LOXHD1: variants seen among roughly 807,000 people sequenced by gnomAD.
LOXHD1 encodes lipoxygenase homology domain-containing protein 1.
Under a neutral mutation model 248.2 loss-of-function variants are expected in LOXHD1, and 205 were observed. The ratio of observed to expected loss-of-function variants is 0.83; its 90% confidence interval spans 0.74 to 0.93. LOXHD1 has a LOEUF of 0.93. LOXHD1 is among the 40% of genes least tolerant of loss of function. The pLI is 0.00. For synonymous variants in LOXHD1, 1,113 were observed against 1,162.8 expected (o/e 0.96, Z 0.87); for missense variants, 2,930 against 2,971.6 (o/e 0.99, Z 0.33).
rs1317610566 is a variant in LOXHD1, at chr18:46,601,388, A to C, written c.963T>G (p.Tyr321Ter). The C allele has an allele frequency of 6.4e-7, 1 of 1,551,694 alleles. No homozygotes were observed. The highest frequency in any genetic ancestry group is 2.4e-5 in the East Asian group (1 of 40,926). Residue 321 changes from tyrosine to a stop codon, truncating the protein, a stop_gained, in exon 8 of 41, where the codon TAT becomes TAG. Transcript: ENST00000642948. LOFTEE classifies it high-confidence loss of function. The stretch of plus-strand genomic sequence containing the variant: ...CACTGTTCTTATTCCCTCTGGCCCC[A>C]TACATGACCAAGTAGATTTTGGATT... ...GTKSKIYLVM[Y>*]GARGNKNSGK...
intron 32 of LOXHD1, 36 bp downstream of exon 32, chr18:46,522,065 G>A: frequency 6.7e-7 from 1 of 1,499,954 alleles, no homozygotes; most frequent in Non-Finnish European, 9.0e-7. Flanking sequence ...CTATCCCTAG[G>A]GTGGTCACTA....
chr18:46,477,432 G>A lies in LOXHD1; in HGVS notation c.*40C>T. The stretch of plus-strand genomic sequence containing the variant: ...GCCAAGGTGGAGGGCAGAAATGTGA[G>A]ATTGGGGCATCTCAGTGAGAGGGTG... On this transcript the variant is annotated 3_prime_UTR_variant, in exon 41 of 41. Transcript: ENST00000642948. The A allele has an allele frequency of 6.5e-7, 1 of 1,535,738 alleles. No homozygotes were observed. The highest frequency in any genetic ancestry group is 8.8e-7 in the Non-Finnish European group (1 of 1,137,534).
intron 21 of LOXHD1, among the ~76,000 whole-genome samples, chr18:46,549,498 C>G (rs11661413): frequency 0.089 from 13,617 of 152,164 alleles, 813 homozygotes; most frequent in Non-Finnish European, 0.13. Context: ...ATCTGGAACT[C>G]AGGAATTCTG....
Position 46,551,106 on chromosome 18 carries a change from C to CTTT in LOXHD1, c.3351-4051_3351-4049dup, listed in dbSNP as rs1239620935. On this transcript the variant is annotated intron_variant, in intron 21 of 40. Transcript: ENST00000642948. Reference sequence around the variant, plus strand: ...TCCTAAATTTCTTTTCTTTTCTTTTCTTTTTTTTTTTTTTGAGACAGAGTC... The same window carrying CTTT: ...TCCTAAATTTCTTTTCTTTTCTTTTCTTTTTTTTTTTTTTTTTGAGACAGAGTC... Among the ~76,000 whole-genome samples, 312 of 141,018 alleles carry CTTT rather than the reference C, an allele frequency of 2.2e-3. 3 individuals carry two copies. The highest frequency in any genetic ancestry group is 7.8e-3 in the African/African-American group (290 of 37,230). The allele number at this position is 141,018 out of a possible 152,430, so 92.5% of individuals were successfully genotyped here. A position where few individuals can be genotyped will look rare whatever the true frequency, so the allele number is the denominator to read the frequency against.
At chr18:46,551,008 A>G (rs2037075930) in intron 21 of LOXHD1, among the ~76,000 whole-genome samples, 1 of 152,126 alleles carries the variant, frequency 6.6e-6, no homozygotes, top group African/African-American at 2.4e-5. Flanking sequence ...CATAATATCA[A>G]TAGAATTGAA....
At chr18:46,496,125 T>A (rs751414932) in intron 37 of LOXHD1, among the ~76,000 whole-genome samples, 10 of 152,074 alleles carry the variant, frequency 6.6e-5, no homozygotes, top group East Asian at 1.9e-4. Context: ...AAAGAAAAAA[T>A]TTTAAAAGGT....
chr18:46,575,401 T>C (rs2037834706), intron 14 of LOXHD1, among the ~76,000 whole-genome samples: 1 of 152,168 alleles, frequency 6.6e-6, no homozygotes, highest in Admixed American at 6.5e-5. Context: ...TTCATACATT[T>C]AAGTCCTAAC....
chr18:46,655,754 C>A (rs1053963970), intron 1 of LOXHD1, among the ~76,000 whole-genome samples: 3 of 152,200 alleles, frequency 2.0e-5, no homozygotes, highest in South Asian at 2.1e-4. Context: ...ATGATGAGGA[C>A]TAAAGACAAG....
chr18:46,531,534 G>A (rs779766923), intron 28 of LOXHD1, among the ~76,000 whole-genome samples: 10 of 152,132 alleles, frequency 6.6e-5, no homozygotes, highest in Admixed American at 2.6e-4. Flanking sequence ...AGAGCAGGAT[G>A]CTGTGTCCCC....
chr18:46,524,536 G>A lies in LOXHD1; in HGVS notation c.4806C>T (p.Ser1602=), dbSNP rs1329923779. ...SPADFWEIAL[S]SKMADVDIST... is the part of the protein sequence containing the mutation. Reference sequence around the variant, plus strand: ...TGATGTCGACATCGGCCATCTTGGAGCTCAGGGCGATCTCCCAGAAGTCAG... The same window carrying A: ...TGATGTCGACATCGGCCATCTTGGAACTCAGGGCGATCTCCCAGAAGTCAG... Residue 1602 remains serine, a synonymous_variant, in exon 31 of 41, where the codon AGC becomes AGT. Coordinates refer to ENST00000642948, the MANE Select transcript of LOXHD1 (RefSeq NM_001384474.1). 5.8e-6 allele frequency: 9 copies of A among 1,551,628 alleles called. No individual in the cohort carries two copies. Among genetic ancestry groups the A allele is most frequent in the East Asian group, 2.4e-5 (1 of 40,928 alleles).
intron 7 of LOXHD1, 101 bp downstream of exon 7, chr18:46,604,005 G>GC (rs1483200839): frequency 6.9e-7 from 1 of 1,458,754 alleles, no homozygotes; most frequent in African/African-American, 1.4e-5. Context: ...GACCCAGCTG[G>GC]CTCCTGTTTG....
intron 14 of LOXHD1, among the ~76,000 whole-genome samples, chr18:46,573,610 C>T (rs2037798408): frequency 6.6e-6 from 1 of 152,202 alleles, no homozygotes; most frequent in African/African-American, 2.4e-5. Context: ...ACACTAATTC[C>T]TCCATAGCCT....
chr18:46,504,551 T>C (rs1343788003), intron 37 of LOXHD1, among the ~76,000 whole-genome samples: 1 of 152,236 alleles, frequency 6.6e-6, no homozygotes, highest in Non-Finnish European at 1.5e-5. Context: ...TGTGTAAATA[T>C]TTGTTATTTT....
chr18:46,477,384 G>A lies in LOXHD1; in HGVS notation c.*88C>T, dbSNP rs1195835114. The A allele has an allele frequency of 2.4e-5, 37 of 1,519,942 alleles. No individual in the cohort carries two copies. Among genetic ancestry groups the A allele is most frequent in the Non-Finnish European group, 3.0e-5 (34 of 1,128,058 alleles). 94.2% of individuals were successfully genotyped at this position (1,519,942 alleles called of 1,614,324 possible). A position where few individuals can be genotyped will look rare whatever the true frequency, so the allele number is the denominator to read the frequency against. ...CTGCTAGCCCCCAGTGCCAATGCTAGAGGCTTTGAAGGGCTGCTGACCGCC... is the reference window on the plus strand; with the variant it reads ...CTGCTAGCCCCCAGTGCCAATGCTAAAGGCTTTGAAGGGCTGCTGACCGCC... On this transcript the variant is annotated 3_prime_UTR_variant, in exon 41 of 41. Coordinates refer to ENST00000642948, the MANE Select transcript of LOXHD1 (RefSeq NM_001384474.1).
In LOXHD1 at chr18:46,538,300, G is replaced by A. The variant is rs779507390; in HGVS notation, c.3951C>T (p.Val1317=). The A allele has an allele frequency of 1.3e-6, 2 of 1,551,364 alleles. No homozygotes were observed. Among genetic ancestry groups the A allele is most frequent in the African/African-American group, 1.4e-5 (1 of 73,048 alleles). The stretch of plus-strand genomic sequence containing the variant: ...TGTTGGCATCTGTCCCAGCAGCAAA[G>A]ACATCACTGGTGTAGAGGGTGATCT... ...PYEITLYTSD[V]FAAGTDANIF... The change falls in exon 26 of 41, where the codon GTC becomes GTT. Residue 1317 remains valine, a synonymous_variant. Coordinates refer to ENST00000642948, the MANE Select transcript of LOXHD1 (RefSeq NM_001384474.1).
At chr18:46,547,995 G>A (rs1220819774) in intron 21 of LOXHD1, among the ~76,000 whole-genome samples, 1 of 152,186 alleles carries the variant, frequency 6.6e-6, no homozygotes, top group African/African-American at 2.4e-5. Context: ...ATAGGGTGTT[G>A]TGAGGATTAC....
At chr18:46,484,650 A>T (rs2032882967) in intron 39 of LOXHD1, among the ~76,000 whole-genome samples, 1 of 152,032 alleles carries the variant, frequency 6.6e-6, no homozygotes, top group African/African-American at 2.4e-5. Context: ...GTTAAGGGGG[A>T]GGTGGAGGCT....
At chr18:46,490,149 C>A (rs2033360645) in intron 37 of LOXHD1, among the ~76,000 whole-genome samples, 1 of 152,196 alleles carries the variant, frequency 6.6e-6, no homozygotes, top group Non-Finnish European at 1.5e-5. Flanking sequence ...AGAACCCTTA[C>A]AACCAAAGGA....
chr18:46,649,272 G>A lies in LOXHD1; in HGVS notation c.131-3C>T, dbSNP rs2039076730. The A allele has an allele frequency of 6.5e-7, 1 of 1,549,582 alleles. No individual in the cohort carries two copies. Among genetic ancestry groups the A allele is most frequent in the Admixed American group, 2.0e-5 (1 of 50,964 alleles). On this transcript the variant is annotated splice_region_variant and splice_polypyrimidine_tract_variant and intron_variant, in intron 1 of 40. Transcript: ENST00000642948. ...CGTGGCTGTGACCACTTCATACACT[G>A]GAGGAGGAGAGGAGGAGACAGATTG...
Sources: allele counts gnomAD v4.1 joint callset (sites outside exome capture counted in the v4.1 genomes callset), GRCh38; gene constraint gnomAD v4.1.1; transcripts MANE v1.5; gene names NCBI Gene and HGNC (gene_info 2026-07-23, HGNC 2026-07-21).